The following LTA4H variants were observed in gnomAD, a reference collection of about 807,000 sequenced individuals.
LTA4H encodes the protein leukotriene A-4 hydrolase.
A neutral mutation model predicts 89.8 loss-of-function variants in LTA4H; 59 were observed. That is an observed-to-expected ratio of 0.66 (90% CI 0.53 to 0.82). The LOEUF (loss-of-function observed/expected upper bound fraction) is 0.82, where lower values mean the gene tolerates loss of function less well. Ranked by LOEUF, LTA4H falls within the 40% of genes least tolerant of loss-of-function variation. The pLI, the probability that LTA4H is intolerant of heterozygous loss-of-function variation, is 0.00. For synonymous variants in LTA4H, 227 were observed against 253.1 expected (o/e 0.90, Z 0.98); for missense variants, 617 against 727.0 (o/e 0.85, Z 1.74).
In LTA4H at chr12:96,021,090, T is replaced by A; in HGVS notation, c.633A>T (p.Glu211Asp). The A allele has an allele frequency of 6.2e-7, 1 of 1,600,612 alleles. No homozygotes were observed. Among genetic ancestry groups the A allele is most frequent in the Non-Finnish European group, 8.5e-7 (1 of 1,176,088 alleles). ...AAATTTTTCCAAAAGCTCACCTGCT[T>A]TCTAAAGCTCCAACAACTAAAGCAA... is the stretch of plus-strand genomic sequence containing the variant. The part of the protein sequence containing the change: ...YLIALVVGAL[E>D]SRQIGPRTLV... Residue 211 changes from glutamate (E) to aspartate (D), a missense_variant, in exon 6 of 19, where the codon GAA (glutamate) becomes GAT (aspartate). By Grantham distance (45) the Glu-to-Asp change is conservative. This residue lies in a region of LTA4H where 172 missense variants were observed against 244.5 expected (regional missense o/e 0.70). Coordinates refer to ENST00000228740, the MANE Select transcript of LTA4H (RefSeq NM_000895.3).
chr12:96,006,265 T>G (rs765789697), intron 16 of LTA4H, 49 bp downstream of exon 16: 1 of 1,150,982 alleles, frequency 8.7e-7, no homozygotes, highest in Non-Finnish European at 1.3e-6. Flanking sequence ...ACATAAATGC[T>G]GTGCCTTTCT....
At chr12:96,005,289 C>G (rs1273083942) in intron 16 of LTA4H, among the ~76,000 whole-genome samples, 2 of 152,164 alleles carry the variant, frequency 1.3e-5, no homozygotes, top group African/African-American at 4.8e-5. Context: ...TCTCCTCTCC[C>G]CGCAACTTAC....
At position 96,029,242 on chromosome 12, in the gene LTA4H, A is replaced by C. The variant is rs1447625745; in HGVS notation, c.160-57T>G. 5 of 975,002 alleles carry C rather than the reference A, an allele frequency of 5.1e-6. No homozygotes were observed. The African/African-American group carries it at 6.8e-5, about 13-fold the overall frequency. 60.4% of individuals were successfully genotyped at this position (975,002 alleles called of 1,614,324 possible). On this transcript the variant is annotated intron_variant, in intron 1 of 18. Coordinates refer to ENST00000228740, the MANE Select transcript of LTA4H (RefSeq NM_000895.3). ...TAGTTTCATTTACCAGAAAAAACTC[A>C]TATTAGATATAGGCTACAACAACTA...
At position 96,043,351 on chromosome 12, in the gene LTA4H, TAGAA is replaced by T; in HGVS notation, c.21_24del (p.Ser8LysfsTer20). The T allele has an allele frequency of 2.0e-6, 3 of 1,535,320 alleles. No individual in the cohort carries two copies. The highest frequency in any genetic ancestry group is 2.6e-6 in the Non-Finnish European group (3 of 1,146,578). ...ATATGCATGGTCGGTACTTGTCTTTTAGAAAGATTTCTCTGTGGCAGCATGGGAG... is the reference window on the plus strand; with the variant it reads ...ATATGCATGGTCGGTACTTGTCTTTTAGATTTCTCTGTGGCAGCATGGGAG... On this transcript the variant is annotated frameshift_variant, in exon 1 of 18. Transcript: ENST00000413268. LOFTEE classifies it high-confidence loss of function.
At chr12:96,027,691 T>G in intron 2 of LTA4H, 127 bp from the exon 3 acceptor site, 1 of 504,072 alleles carries the variant, frequency 2.0e-6, no homozygotes, top group Non-Finnish European at 3.4e-6. Flanking sequence ...GGCAGTAAGC[T>G]CTAGGTATGC....
intron 5 of LTA4H, 93 bp from the exon 6 acceptor site, chr12:96,021,230 T>A: frequency 1.1e-6 from 1 of 948,040 alleles, no homozygotes; most frequent in Non-Finnish European, 1.5e-6. Context: ...GTAAGTAAAT[T>A]CCCTTTCAAA....
At chr12:96,026,845 T>C (rs571467655) in intron 3 of LTA4H, among the ~76,000 whole-genome samples, 22 of 152,370 alleles carry the variant, frequency 1.4e-4, no homozygotes, top group African/African-American at 5.0e-4. Flanking sequence ...TTGAAATGTA[T>C]TATCCTTGTG....
At chr12:96,005,428 C>G (rs2136858652) in intron 16 of LTA4H, among the ~76,000 whole-genome samples, 1 of 152,326 alleles carries the variant, frequency 6.6e-6, no homozygotes, top group East Asian at 1.9e-4. Context: ...TTTTTAAAAT[C>G]TTTTCCTACT....
chr12:96,014,708 C>T, intron 12 of LTA4H, 147 bp downstream of exon 12: 2 of 729,632 alleles, frequency 2.7e-6, no homozygotes, highest in Non-Finnish European at 4.3e-6. Flanking sequence ...TGAGAGGTAA[C>T]TCAGAAAACA....
At chr12:96,025,827 C>CAA (rs63528861) in intron 3 of LTA4H, among the ~76,000 whole-genome samples, 159 of 116,110 alleles carry the variant, frequency 1.4e-3, no homozygotes, top group African/African-American at 4.8e-3. Flanking sequence ...ACCCTGTCTC[C>CAA]AAAAAAAAAA....
upstream of LTA4H, among the ~76,000 whole-genome samples, chr12:96,036,068 C>T (rs533550345): frequency 2.0e-5 from 3 of 152,104 alleles, no homozygotes; most frequent in Non-Finnish European, 2.9e-5. Context: ...CGCGGGAGAC[C>T]GGGGTTCGAT....
intron 3 of LTA4H, 33 bp from the exon 4 acceptor site, chr12:96,024,580 T>C (rs932589580): frequency 2.9e-6 from 4 of 1,389,530 alleles, no homozygotes; most frequent in Non-Finnish European, 4.1e-6. Context: ...GAAATAGCTA[T>C]TTATCTTTCG....
intron 3 of LTA4H, among the ~76,000 whole-genome samples, chr12:96,026,886 C>A (rs1490742900): frequency 6.6e-6 from 1 of 152,050 alleles, no homozygotes; most frequent in Non-Finnish European, 1.5e-5. Context: ...TGGCTCTTTA[C>A]CCTTAGTTTT....
chr12:96,019,118 T>C lies in LTA4H; in HGVS notation c.711+50A>G, dbSNP rs1201552637. 2.0e-6 allele frequency: 3 copies of C among 1,513,794 alleles called. No individual in the cohort carries two copies. In the South Asian group the frequency reaches 3.6e-5, roughly 18 times the overall value. 93.8% of individuals were successfully genotyped at this position (1,513,794 alleles called of 1,614,324 possible). ...CCATCACATTTCACACTCAAAATCTTCAATCTACTGTCTATCACAATGATT... is the reference window on the plus strand; with the variant it reads ...CCATCACATTTCACACTCAAAATCTCCAATCTACTGTCTATCACAATGATT... On this transcript the variant is annotated intron_variant, in intron 7 of 18. Coordinates refer to ENST00000228740, the MANE Select transcript of LTA4H (RefSeq NM_000895.3).
intron 1 of LTA4H, among the ~76,000 whole-genome samples, chr12:96,033,241 G>A (rs942049822): frequency 6.6e-6 from 1 of 152,082 alleles, no homozygotes; most frequent in Admixed American, 6.5e-5. Flanking sequence ...TTTAAATAAA[G>A]GTGAAGAACA....
chr12:96,006,180 G>T (rs1950196257), intron 16 of LTA4H, 134 bp downstream of exon 16: 1 of 540,546 alleles, frequency 1.8e-6, no homozygotes, highest in Non-Finnish European at 3.3e-6. Context: ...CTTTTTTAAA[G>T]AAATGAATAA....
chr12:96,014,678 G>A (rs559792678), intron 12 of LTA4H, among the ~76,000 whole-genome samples, 177 bp downstream of exon 12: 18 of 152,120 alleles, frequency 1.2e-4, no homozygotes, highest in South Asian at 4.2e-4. Flanking sequence ...AAACCTTAGG[G>A]GTTATTAATG....
upstream of LTA4H, among the ~76,000 whole-genome samples, chr12:96,036,095 A>G (rs1011626323): frequency 6.6e-6 from 1 of 150,592 alleles, no homozygotes; most frequent in East Asian, 2.1e-4. Context: ...ACGGGGAGGC[A>G]CAGTAATTGT....
chr12:96,027,293 T>C (rs1176610991), intron 3 of LTA4H, 151 bp downstream of exon 3: 7 of 570,944 alleles, frequency 1.2e-5, no homozygotes, highest in South Asian at 2.8e-5. Context: ...AATGAAAATA[T>C]ATAATTCATC....
Sources: allele counts gnomAD v4.1 joint callset (sites outside exome capture counted in the v4.1 genomes callset), GRCh38; gene constraint gnomAD v4.1.1; regional missense constraint gnomAD v4.1.1; transcripts MANE v1.5; gene names NCBI Gene and HGNC (gene_info 2026-07-23, HGNC 2026-07-21).